The following ARRB1 variants were observed in gnomAD, a reference collection of about 807,000 sequenced individuals.
The protein encoded by ARRB1 is arrestin beta 1, also known as beta-arrestin-1.
ARRB1 carries 21 observed loss-of-function variants against 56.8 expected under a neutral mutation model. That is an observed-to-expected ratio of 0.37 (90% CI 0.26 to 0.53). ARRB1 has a LOEUF of 0.53. Among genes scored for constraint, ARRB1 ranks in the 20% least tolerant of loss-of-function variants. The pLI, the probability that ARRB1 is intolerant of heterozygous loss-of-function variation, is 0.88. For synonymous variants in ARRB1, 210 were observed against 218.6 expected, an observed-to-expected ratio of 0.96 and a Z score of 0.35; for missense variants, 424 against 553.7, an observed-to-expected ratio of 0.77 and a Z score of 2.35.
At chr11:75,350,449 G>A (rs1947829079) in intron 1 of ARRB1, among the ~76,000 whole-genome samples, 1 of 152,200 alleles carries the variant, frequency 6.6e-6, no homozygotes, top group Non-Finnish European at 1.5e-5. Flanking sequence ...GGGAGCCCAG[G>A]GAGAGGCTGC....
intron 4 of ARRB1, 73 bp from the exon 5 acceptor site, chr11:75,283,556 G>C (rs1164762995): frequency 2.8e-6 from 4 of 1,428,138 alleles, no homozygotes; most frequent in Non-Finnish European, 3.7e-6. Flanking sequence ...GCCGGCAGCA[G>C]CCCTGGGACG....
At chr11:75,269,397 A>G (rs1354527818) in intron 13 of ARRB1, among the ~76,000 whole-genome samples, 3 of 151,110 alleles carry the variant, frequency 2.0e-5, no homozygotes, top group Non-Finnish European at 3.0e-5. Flanking sequence ...ACGCCATCCC[A>G]TCTCCCAACA....
In ARRB1 at chr11:75,283,410, C is replaced by T. The variant is rs767005297; in HGVS notation, c.231G>A (p.Lys77=). ...DLDVLGLTFR[K]DLFVANVQSF... is the part of the protein sequence containing the mutation. The stretch of plus-strand genomic sequence containing the variant: ...ACTGTACGTTGGCCACAAACAGGTC[C>T]TTGCGAAAGGTCAGGCCCAGGACAT... Residue 77 remains lysine, a synonymous_variant, in exon 5 of 16, where the codon AAG becomes AAA. Coordinates refer to ENST00000420843, the MANE Select transcript of ARRB1 (RefSeq NM_004041.5). 6 of 1,614,164 alleles carry T rather than the reference C, an allele frequency of 3.7e-6. No homozygotes were observed. The highest frequency in any genetic ancestry group is 1.6e-4 in the Middle Eastern group (1 of 6,062).
chr11:75,278,824 C>T, intron 7 of ARRB1, 80 bp from the exon 8 acceptor site: 2 of 1,524,594 alleles, frequency 1.3e-6, no homozygotes, highest in South Asian at 2.6e-5. Flanking sequence ...ACATCATTCT[C>T]CTGCTCAAGA....
In ARRB1 at chr11:75,283,310, G is replaced by A; in HGVS notation, c.331C>T (p.His111Tyr). ...QERLIKKLGE[H>Y]AYPFTFEIPP... ...ACCTCAAAGGTGAAAGGGTAAGCGT[G>A]CTCGCCCAGCTTCTTGATGAGGCGT... Residue 111 changes from histidine (H) to tyrosine (Y), a missense_variant, in exon 5 of 16, where the codon CAC becomes TAC. His to Tyr is a moderately conservative substitution (Grantham distance 83). Coordinates refer to ENST00000420843, the MANE Select transcript of ARRB1 (RefSeq NM_004041.5). 6.2e-7 allele frequency: 1 copy of A among 1,612,216 alleles called. No individual in the cohort carries two copies. Among genetic ancestry groups the A allele is most frequent in the Non-Finnish European group, 8.5e-7 (1 of 1,178,986 alleles).
At chr11:75,346,857 C>T (rs921411450) in intron 1 of ARRB1, among the ~76,000 whole-genome samples, 3 of 152,342 alleles carry the variant, frequency 2.0e-5, no homozygotes, top group South Asian at 2.1e-4. Flanking sequence ...TTGATTCTTA[C>T]CCCAGGATCC....
At chr11:75,343,101 T>G (rs1332348576) in intron 1 of ARRB1, among the ~76,000 whole-genome samples, 7 of 152,082 alleles carry the variant, frequency 4.6e-5, no homozygotes, top group Non-Finnish European at 1.0e-4. Flanking sequence ...TCTGCGCAGG[T>G]GCTGGGGACA....
intron 9 of ARRB1, 61 bp downstream of exon 9, chr11:75,277,303 C>T: frequency 1.3e-6 from 2 of 1,529,290 alleles, no homozygotes; most frequent in Admixed American, 1.7e-5. Context: ...CTTCAGCCAC[C>T]CCCAGCCCTT....
intron 1 of ARRB1, among the ~76,000 whole-genome samples, chr11:75,327,301 C>CAAAAAAAAAAAA (rs777940901): frequency 1.7e-5 from 1 of 60,268 alleles, no homozygotes; most frequent in Non-Finnish European, 3.0e-5. Flanking sequence ...AACTCCATCT[C>CAAAAAAAAAAAA]AAAAAAAAAA....
chr11:75,314,239 G>A (rs1947223295), intron 1 of ARRB1, among the ~76,000 whole-genome samples: 1 of 152,254 alleles, frequency 6.6e-6, no homozygotes, highest in Non-Finnish European at 1.5e-5. Context: ...AAGGGATAGG[G>A]CCAGGGGTCA....
At chr11:75,314,383 C>T (rs571792092) in intron 1 of ARRB1, among the ~76,000 whole-genome samples, 47 of 152,356 alleles carry the variant, frequency 3.1e-4, no homozygotes, top group Middle Eastern at 3.4e-3. Flanking sequence ...GCCCCCCCTC[C>T]AGCAGAAATG....
intron 2 of ARRB1, among the ~76,000 whole-genome samples, chr11:75,289,193 T>G (rs544140579): frequency 6.6e-6 from 1 of 152,152 alleles, no homozygotes; most frequent in Non-Finnish European, 1.5e-5. Context: ...AGCCACAGTG[T>G]TCCCGTGACC....
chr11:75,333,766 G>A (rs1371931394), intron 1 of ARRB1, among the ~76,000 whole-genome samples: 2 of 152,130 alleles, frequency 1.3e-5, no homozygotes, highest in Non-Finnish European at 2.9e-5. Flanking sequence ...AAACCTAGCC[G>A]GACATCATGT....
chr11:75,323,932 G>A (rs893839574), intron 1 of ARRB1, among the ~76,000 whole-genome samples: 3 of 152,028 alleles, frequency 2.0e-5, no homozygotes, highest in East Asian at 1.9e-4. Context: ...TTAACGAATC[G>A]AGATACTACG....
At chr11:75,320,196 G>C (rs1243575900) in intron 1 of ARRB1, among the ~76,000 whole-genome samples, 1 of 152,154 alleles carries the variant, frequency 6.6e-6, no homozygotes, top group Non-Finnish European at 1.5e-5. Context: ...GGGCATTAAG[G>C]GTGCACCCTG....
intron 1 of ARRB1, among the ~76,000 whole-genome samples, chr11:75,302,953 G>T (rs1946939794): frequency 6.6e-6 from 1 of 151,558 alleles, no homozygotes; most frequent in Non-Finnish European, 1.5e-5. Context: ...TACAGTCTTG[G>T]GTAGAAAACA....
chr11:75,269,210 A>T (rs1248625196), intron 13 of ARRB1: 1 of 707,954 alleles, frequency 1.4e-6, no homozygotes, highest in African/African-American at 1.7e-5. Context: ...CTGGGTTCCC[A>T]CGGGCTGGGA....
chr11:75,324,158 G>A (rs935805107), intron 1 of ARRB1, among the ~76,000 whole-genome samples: 1 of 152,160 alleles, frequency 6.6e-6, no homozygotes, highest in African/African-American at 2.4e-5. Flanking sequence ...TTTTGTTGTT[G>A]CTTAAATAAT....
intron 1 of ARRB1, among the ~76,000 whole-genome samples, chr11:75,342,663 G>A (rs918534464): frequency 1.3e-5 from 2 of 151,920 alleles, no homozygotes; most frequent in African/African-American, 2.4e-5. Flanking sequence ...GCCCACACCC[G>A]GGAAAGGCTC....
Sources: allele counts gnomAD v4.1 joint callset (sites outside exome capture counted in the v4.1 genomes callset), GRCh38; gene constraint gnomAD v4.1.1; transcripts MANE v1.5; gene names NCBI Gene and HGNC (gene_info 2026-07-23, HGNC 2026-07-21).